The following EYA3 variants were observed in gnomAD, a reference collection of about 807,000 sequenced individuals.
EYA3 encodes the protein protein phosphatase EYA3.
Under a neutral mutation model 80.0 loss-of-function variants are expected in EYA3, and 39 were observed. The observed-to-expected ratio is 0.49, with a 90% CI of 0.38 to 0.64. The LOEUF is 0.64. EYA3 is among the 30% of genes least tolerant of loss of function. The probability of loss-of-function intolerance (pLI) is 0.00; values close to 1 mark genes in which losing one functional copy is unlikely to be tolerated. For synonymous variants in EYA3, 206 were observed against 232.8 expected (o/e 0.88, Z 1.05); for missense variants, 523 against 676.1 (o/e 0.77, Z 2.51).
At chr1:28,029,335 A>G (rs528235718) in intron 6 of EYA3, among the ~76,000 whole-genome samples, 2 of 152,310 alleles carry the variant, frequency 1.3e-5, no homozygotes, top group African/African-American at 4.8e-5. Flanking sequence ...TGTAAAGACA[A>G]TTGTTTAGTA....
Position 28,042,665 on chromosome 1 carries a change from A to G in EYA3, c.78-15T>C, listed in dbSNP as rs1643851025. On this transcript the variant is annotated splice_polypyrimidine_tract_variant and intron_variant, in intron 3 of 17. Coordinates refer to ENST00000373871, the MANE Select transcript of EYA3 (RefSeq NM_001990.4). ...TGCTTACTTGACTGGGAGAACCAAAATGAATACATTAGCCCCTGATTGATT... is the reference window on the plus strand; with the variant it reads ...TGCTTACTTGACTGGGAGAACCAAAGTGAATACATTAGCCCCTGATTGATT... 1.9e-6 allele frequency: 3 copies of G among 1,606,402 alleles called. No homozygotes were observed. Among genetic ancestry groups the G allele is most frequent in the East Asian group, 2.2e-5 (1 of 44,880 alleles).
chr1:28,035,797 A>G, intron 5 of EYA3, 117 bp from the exon 6 acceptor site: 1 of 982,932 alleles, frequency 1.0e-6, no homozygotes, highest in Non-Finnish European at 1.5e-6. Flanking sequence ...CTAATCTTCC[A>G]CATAAAATGG....
At position 28,003,317 on chromosome 1, in the gene EYA3, A is replaced by AC. The variant is rs1159446105; in HGVS notation, c.993+1018_993+1019insG. Among the ~76,000 whole-genome samples, 258 of 147,300 alleles carry AC rather than the reference A, an allele frequency of 1.8e-3. 2 individuals are homozygous for AC. Among genetic ancestry groups the AC allele is most frequent in the African/African-American group, 5.3e-3 (212 of 40,132 alleles). On this transcript the variant is annotated intron_variant, in intron 11 of 17. Coordinates refer to ENST00000373871, the MANE Select transcript of EYA3 (RefSeq NM_001990.4). ...AACAACAACAACAACAACAACAACA[A>AC]AATTAGCCAGGCATGGTAACGGGCA...
At chr1:27,985,025 G>A (rs1249193924) in intron 16 of EYA3, among the ~76,000 whole-genome samples, 1 of 152,078 alleles carries the variant, frequency 6.6e-6, no homozygotes, top group Non-Finnish European at 1.5e-5. Context: ...TATTCAAACT[G>A]CATGTCAAAG....
intron 12 of EYA3, chr1:27,998,445 T>C (rs1278209958): frequency 3.1e-6 from 1 of 319,784 alleles, no homozygotes; most frequent in Non-Finnish European, 4.5e-6. Flanking sequence ...GATGTCCTAA[T>C]TTATCAACAT....
chr1:28,007,370 T>C (rs1641364120), intron 10 of EYA3, among the ~76,000 whole-genome samples: 1 of 151,164 alleles, frequency 6.6e-6, no homozygotes, highest in Non-Finnish European at 1.5e-5. Context: ...AGTCTTGCTC[T>C]GTCACCCAGG....
At position 27,970,579 on chromosome 1, in the gene EYA3, G is replaced by C. The variant is rs1294815577; in HGVS notation, c.*3887C>G. 6.6e-6 allele frequency: 1 copy of C among 152,184 alleles called. No individual in the cohort carries two copies. Among genetic ancestry groups the C allele is most frequent in the Non-Finnish European group, 1.5e-5 (1 of 68,044 alleles). The allele number at this position is 152,184 out of a possible 1,614,324, so 9.4% of individuals were successfully genotyped here. On this transcript the variant is annotated 3_prime_UTR_variant, in exon 18 of 18. Transcript: ENST00000373871. Reference sequence around the variant, plus strand: ...GTCAGTGCATTAGGAACTAGCCAAGGAGCCTTGCTTGCCAGAGCTGTCTGA... The same window carrying C: ...GTCAGTGCATTAGGAACTAGCCAAGCAGCCTTGCTTGCCAGAGCTGTCTGA...
chr1:28,024,729 A>G (rs1414046001), intron 7 of EYA3, among the ~76,000 whole-genome samples: 30 of 152,266 alleles, frequency 2.0e-4, no homozygotes, highest in Non-Finnish European at 8.8e-5. Flanking sequence ...TTATTTAACC[A>G]ATTAAAACAT....
At position 28,000,078 on chromosome 1, in the gene EYA3, G is replaced by T; in HGVS notation, c.994-29C>A. Reference sequence around the variant, plus strand: ...GAAGACAATAAGAAAAAATCAGCTTGACTTGGTAGTCACAGTCCTGGTTCT... The same window carrying T: ...GAAGACAATAAGAAAAAATCAGCTTTACTTGGTAGTCACAGTCCTGGTTCT... On this transcript the variant is annotated intron_variant, in intron 11 of 17. Transcript: ENST00000373871. 4 of 1,517,274 alleles carry T rather than the reference G, an allele frequency of 2.6e-6. No homozygotes were observed. In the South Asian group the frequency reaches 3.6e-5, roughly 14 times the overall value. The allele number at this position is 1,517,274 out of a possible 1,614,324, so 94.0% of individuals were successfully genotyped here.
Position 28,081,962 on chromosome 1 carries a change from T to C in EYA3, c.-69+6562A>G, listed in dbSNP as rs140114877. 1.2e-3 allele frequency among the ~76,000 whole-genome samples: 185 copies of C among 152,218 alleles called. 1 individual carries two copies. The highest frequency in any genetic ancestry group is 2.3e-3 in the Non-Finnish European group (158 of 67,988). Reference sequence around the variant, plus strand: ...AAATTAAATTAAATTGCAGAAGCAATTTAAAAGGGAATTGCTTTGAATCAA... The same window carrying C: ...AAATTAAATTAAATTGCAGAAGCAACTTAAAAGGGAATTGCTTTGAATCAA... On this transcript the variant is annotated intron_variant, in intron 1 of 17. Coordinates refer to ENST00000373871, the MANE Select transcript of EYA3 (RefSeq NM_001990.4).
intron 6 of EYA3, among the ~76,000 whole-genome samples, chr1:28,028,179 AT>A (rs1204065106): frequency 1.3e-5 from 2 of 152,206 alleles, no homozygotes; most frequent in African/African-American, 4.8e-5. Context: ...ATTCATTTCA[AT>A]GACTGGGGGA....
intron 7 of EYA3, among the ~76,000 whole-genome samples, chr1:28,020,945 T>TC (rs1216687847): frequency 1.3e-4 from 20 of 152,098 alleles, no homozygotes; most frequent in African/African-American, 4.8e-4. Context: ...GACACCACTT[T>TC]TGAGAACCAG....
Position 28,067,828 on chromosome 1 carries a change from C to G in EYA3, c.-68-9734G>C, listed in dbSNP as rs151335495. On this transcript the variant is annotated intron_variant, in intron 1 of 17. Coordinates refer to ENST00000373871, the MANE Select transcript of EYA3 (RefSeq NM_001990.4). ...CTCTATTGGACAGACACGATTCTCT[C>G]TTGGAAATGCAAGAAAATATATAAC... Among the ~76,000 whole-genome samples the G allele has an allele frequency of 6.8e-3, 1,029 of 152,278 alleles. 5 individuals carry two copies. Among genetic ancestry groups the G allele is most frequent in the Non-Finnish European group, 0.01 (710 of 68,006 alleles).
intron 16 of EYA3, among the ~76,000 whole-genome samples, chr1:27,987,570 C>T (rs1279900314): frequency 6.6e-6 from 1 of 152,210 alleles, no homozygotes. Context: ...CCTGACTCAG[C>T]CTCCCAAATA....
At position 28,013,279 on chromosome 1, in the gene EYA3, T is replaced by C. The variant is rs781307029; in HGVS notation, c.601A>G (p.Thr201Ala). ...TGGTACTGATTCTGACCAAGAATAG[T>C]ATAGGTGGGATAATCCTGCAGGCCA... ...SISNQDYPTY[T>A]ILGQNQYQAC... Residue 201 changes from threonine (T) to alanine (A), a missense_variant, in exon 9 of 18, where the codon ACT (threonine) becomes GCT (alanine). Thr to Ala is a moderately conservative substitution (Grantham distance 58). This residue lies in a region of EYA3 where 304 missense variants were observed against 343.3 expected (regional missense o/e 0.89). Transcript: ENST00000373871. The surrounding 1 kb of genome is among the most constrained non-coding windows in gnomAD (Gnocchi z 4.0). The C allele has an allele frequency of 1.1e-5, 18 of 1,612,704 alleles. No individual in the cohort carries two copies. In the South Asian group the frequency reaches 1.2e-4, roughly 11 times the overall value.
intron 12 of EYA3, among the ~76,000 whole-genome samples, chr1:27,999,301 A>C (rs1640668113): frequency 6.6e-6 from 1 of 152,168 alleles, no homozygotes; most frequent in South Asian, 2.1e-4. Flanking sequence ...TCCCTATGTG[A>C]GATTCACATT....
At chr1:28,072,789 G>A (rs1291757343) in intron 1 of EYA3, among the ~76,000 whole-genome samples, 1 of 152,096 alleles carries the variant, frequency 6.6e-6, no homozygotes, top group East Asian at 1.9e-4. Flanking sequence ...AATGTGTACA[G>A]TAGCTTGTTC....
At chr1:28,054,334 G>C (rs1374978572) in intron 2 of EYA3, among the ~76,000 whole-genome samples, 1 of 152,158 alleles carries the variant, frequency 6.6e-6, no homozygotes, top group Non-Finnish European at 1.5e-5. Context: ...CTGCATGTTA[G>C]GTGTGACTTC....
Position 28,042,556 on chromosome 1 carries a change from G to A in EYA3, c.157+15C>T, listed in dbSNP as rs774117560. 1.9e-6 allele frequency: 3 copies of A among 1,609,058 alleles called. 1 individual carries two copies. The Middle Eastern group carries it at 5.0e-4, about 266-fold the overall frequency. Reference sequence around the variant, plus strand: ...AGGAATATCTGTTCAATCATGCACAGAATATGGTACTTACTTTCCTCTGAC... The same window carrying A: ...AGGAATATCTGTTCAATCATGCACAAAATATGGTACTTACTTTCCTCTGAC... On this transcript the variant is annotated intron_variant, in intron 4 of 17. Transcript: ENST00000373871.
Sources: allele counts gnomAD v4.1 joint callset (sites outside exome capture counted in the v4.1 genomes callset), GRCh38; gene constraint gnomAD v4.1.1; regional missense constraint gnomAD v4.1.1; non-coding constraint Gnocchi (gnomAD v3.1); transcripts MANE v1.5; gene names NCBI Gene and HGNC (gene_info 2026-07-23, HGNC 2026-07-21).